MOXD1: variants seen among roughly 807,000 people sequenced by gnomAD.
The protein encoded by MOXD1 is monooxygenase DBH like 1.
A neutral mutation model predicts 66.6 loss-of-function variants in MOXD1; 62 were observed. That is an observed-to-expected ratio of 0.93 (90% confidence interval 0.76 to 1.15). MOXD1 has a LOEUF of 1.15. Among genes scored for constraint, MOXD1 ranks in the 50% most tolerant of loss-of-function variants. MOXD1 has a pLI of 0.00. For missense variants in MOXD1, 847 were observed against 754.6 expected (o/e 1.12, Z -1.44); for synonymous variants, 303 against 281.9 (o/e 1.07, Z -0.75).
At chr6:132,327,076 C>T (rs1775206090) in intron 6 of MOXD1, among the ~76,000 whole-genome samples, 1 of 152,198 alleles carries the variant, frequency 6.6e-6, no homozygotes. Context: ...TCATCAGCAT[C>T]TTTCTTCACT....
At chr6:132,349,402 TATAC>T (rs1367165154) in intron 4 of MOXD1, among the ~76,000 whole-genome samples, 480 of 44,036 alleles carry the variant, frequency 0.011, 84 homozygotes, top group African/African-American at 0.046. Context: ...TACACATATA[TATAC>T]ATATATATAT....
intron 1 of MOXD1, among the ~76,000 whole-genome samples, chr6:132,378,864 GA>G (rs1275774615): frequency 8.9e-6 from 1 of 112,262 alleles, no homozygotes; most frequent in East Asian, 3.0e-4. Context: ...AAAGAGGACA[GA>G]ACACTTCCTC....
At position 132,374,626 on chromosome 6, in the gene MOXD1, C is replaced by G; in HGVS notation, c.411+5G>C. 6.2e-7 allele frequency: 1 copy of G among 1,613,334 alleles called. No homozygotes were observed. The highest frequency in any genetic ancestry group is 8.5e-7 in the Non-Finnish European group (1 of 1,179,860). ...CATGCATGCATTCACTCATAGATGC[C>G]TTACCGTTATACTCTTGTCATTTAT... is the stretch of plus-strand genomic sequence containing the variant. On this transcript the variant is annotated splice_donor_5th_base_variant and intron_variant, in intron 2 of 11. Transcript: ENST00000367963.
At chr6:132,373,084 A>C in intron 2 of MOXD1, 87 bp from the exon 3 acceptor site, 1 of 1,252,190 alleles carries the variant, frequency 8.0e-7, no homozygotes, top group African/African-American at 1.5e-5. Flanking sequence ...ATTGTAAACA[A>C]GATATAGAAG....
chr6:132,297,469 G>A (rs746814841), intron 11 of MOXD1, 152 bp from the exon 12 acceptor site: 8 of 804,988 alleles, frequency 9.9e-6, no homozygotes, highest in Non-Finnish European at 1.6e-5. Flanking sequence ...GAAACCTAGG[G>A]TTAAGGAGGA....
intron 4 of MOXD1, among the ~76,000 whole-genome samples, chr6:132,331,355 G>A (rs1775313710): frequency 6.6e-6 from 1 of 152,154 alleles, no homozygotes; most frequent in South Asian, 2.1e-4. Context: ...AGGAGAGTTG[G>A]TTACTGTCAC....
chr6:132,373,041 T>G, intron 2 of MOXD1, 44 bp from the exon 3 acceptor site: 1 of 1,537,338 alleles, frequency 6.5e-7, no homozygotes, highest in South Asian at 1.2e-5. Context: ...TGAGAGCACT[T>G]TCCTTACCAC....
intron 11 of MOXD1, 78 bp from the exon 12 acceptor site, chr6:132,297,395 C>CA: frequency 6.9e-7 from 1 of 1,453,816 alleles, no homozygotes; most frequent in African/African-American, 1.4e-5. Flanking sequence ...CAGCTGCCCA[C>CA]ACTTCTGCAG....
chr6:132,324,672 G>T (rs953451613), intron 6 of MOXD1, among the ~76,000 whole-genome samples: 1 of 152,088 alleles, frequency 6.6e-6, no homozygotes, highest in Non-Finnish European at 1.5e-5. Flanking sequence ...ACTCCATTAG[G>T]CATTGTGGGG....
chr6:132,316,380 T>C (rs1774959442), intron 9 of MOXD1, among the ~76,000 whole-genome samples: 1 of 152,136 alleles, frequency 6.6e-6, no homozygotes, highest in Middle Eastern at 3.4e-3. Flanking sequence ...TAGAAATGGA[T>C]TGTAAGATTG....
chr6:132,329,507 TTA>T (rs1775271433), intron 4 of MOXD1, among the ~76,000 whole-genome samples: 1 of 152,166 alleles, frequency 6.6e-6, no homozygotes, highest in African/African-American at 2.4e-5. Flanking sequence ...ACAAACGCTC[TTA>T]GTCTCCCTCT....
At chr6:132,303,712 C>CACACACACACACAT (rs1183072518) in intron 10 of MOXD1, among the ~76,000 whole-genome samples, 1 of 142,566 alleles carries the variant, frequency 7.0e-6, no homozygotes, top group African/African-American at 2.7e-5. Flanking sequence ...TATACATACA[C>CACACACACACACAT]ACACACACAC....
chr6:132,315,921 T>C (rs1582565945), intron 9 of MOXD1, 144 bp from the exon 10 acceptor site: 2 of 797,384 alleles, frequency 2.5e-6, no homozygotes, highest in Non-Finnish European at 1.9e-6. Context: ...ACTGGCTTTT[T>C]AGAAAGGTAG....
intron 10 of MOXD1, among the ~76,000 whole-genome samples, chr6:132,304,544 G>T (rs1308697268): frequency 6.6e-6 from 1 of 152,180 alleles, no homozygotes; most frequent in Non-Finnish European, 1.5e-5. Flanking sequence ...TACAGTAGAG[G>T]CTCCATCTAT....
intron 4 of MOXD1, among the ~76,000 whole-genome samples, chr6:132,336,269 T>C (rs534050021): frequency 6.6e-6 from 1 of 152,202 alleles, no homozygotes; most frequent in Non-Finnish European, 1.5e-5. Context: ...CAGCTTTACA[T>C]ACCCACCTGA....
intron 4 of MOXD1, among the ~76,000 whole-genome samples, chr6:132,359,215 G>A (rs1186213986): frequency 6.6e-6 from 1 of 151,760 alleles, no homozygotes; most frequent in Non-Finnish European, 1.5e-5. Flanking sequence ...AAACTCCTGG[G>A]CTCAAGTGAT....
At chr6:132,331,189 C>T (rs1327057383) in intron 4 of MOXD1, among the ~76,000 whole-genome samples, 3 of 152,266 alleles carry the variant, frequency 2.0e-5, no homozygotes, top group South Asian at 2.1e-4. Context: ...TTGGGTTCCT[C>T]GGTCCTCCAA....
At chr6:132,370,699 T>C (rs1776246781) in intron 4 of MOXD1, among the ~76,000 whole-genome samples, 1 of 152,114 alleles carries the variant, frequency 6.6e-6, no homozygotes, top group Non-Finnish European at 1.5e-5. Flanking sequence ...ATAACTTTTG[T>C]TGTCTAGAAG....
chr6:132,350,182 G>A (rs922933547), intron 4 of MOXD1, among the ~76,000 whole-genome samples: 5 of 152,234 alleles, frequency 3.3e-5, no homozygotes, highest in Admixed American at 6.5e-5. Context: ...TGGGTTCTTG[G>A]TCATGAAATC....
Sources: gnomAD v4.1 joint callset for allele counts (sites outside exome capture counted in the v4.1 genomes callset) on GRCh38, gnomAD v4.1.1 for gene constraint, MANE v1.5 for transcripts, NCBI Gene and HGNC (gene_info 2026-07-23, HGNC 2026-07-21) for gene names.